The following ANK2 variants were observed in gnomAD, a reference collection of about 807,000 sequenced individuals.
ANK2 encodes ankyrin 2, also known as ankyrin-2.
Under a neutral mutation model 360.5 loss-of-function variants are expected in ANK2, and 83 were observed. The observed-to-expected ratio is 0.23, with a 90% CI of 0.19 to 0.28. The LOEUF (loss-of-function observed/expected upper bound fraction) is 0.28, where lower values mean the gene tolerates loss of function less well. Among genes scored for constraint, ANK2 ranks in the 10% least tolerant of loss-of-function variants. The pLI, the probability that ANK2 is intolerant of heterozygous loss-of-function variation, is 1.00. For synonymous variants in ANK2, 1,740 were observed against 1,759.5 expected, an observed-to-expected ratio of 0.99 and a Z score of 0.28; for missense variants, 4,201 against 4,795.7, an observed-to-expected ratio of 0.88 and a Z score of 3.66.
At chr4:113,161,988 C>G (rs113477458) in intron 1 of ANK2, among the ~76,000 whole-genome samples, 1 of 152,062 alleles carries the variant, frequency 6.6e-6, no homozygotes, top group Non-Finnish European at 1.5e-5. Flanking sequence ...GACTTTTTAG[C>G]CTTGCATTTT....
chr4:113,181,667 C>T (rs1584132211), intron 2 of ANK2, among the ~76,000 whole-genome samples: 1 of 152,106 alleles, frequency 6.6e-6, no homozygotes, highest in African/African-American at 2.4e-5. Context: ...AGAAGAAAAC[C>T]TAAAGAAATT....
intron 2 of ANK2, among the ~76,000 whole-genome samples, chr4:112,936,855 C>T (rs1330660943): frequency 1.3e-5 from 2 of 152,140 alleles, no homozygotes; most frequent in African/African-American, 4.8e-5. Flanking sequence ...GTGGCGTGAT[C>T]ATAGCTCATT....
intron 1 of ANK2, chr4:112,882,263 G>A (rs532137193): frequency 6.5e-6 from 1 of 152,722 alleles, no homozygotes; most frequent in African/African-American, 2.4e-5. Context: ...TCCTAGCAAT[G>A]TTAGAGTCAA....
At chr4:113,042,099 C>T (rs760062988) in intron 2 of ANK2, among the ~76,000 whole-genome samples, 5 of 152,150 alleles carry the variant, frequency 3.3e-5, no homozygotes, top group Non-Finnish European at 2.9e-5. Context: ...AAAGAAGATT[C>T]ACCCTCACCG....
intron 1 of ANK2, chr4:113,117,232 AT>A: frequency 2.2e-6 from 1 of 450,982 alleles, no homozygotes; most frequent in East Asian, 7.0e-5. Flanking sequence ...AATCACCTGG[AT>A]TGCTGGGGAG....
chr4:113,052,884 G>A (rs924296605), intron 1 of ANK2, among the ~76,000 whole-genome samples: 2 of 152,254 alleles, frequency 1.3e-5, no homozygotes, highest in Middle Eastern at 3.4e-3. Context: ...CTGGGGATGG[G>A]GTACTCCCAG....
At chr4:113,064,634 T>C (rs866992929) in intron 1 of ANK2, among the ~76,000 whole-genome samples, 5 of 152,354 alleles carry the variant, frequency 3.3e-5, no homozygotes, top group East Asian at 1.9e-4. Context: ...GTCCAAACGA[T>C]TGTGCAAAGT....
At position 113,049,702 on chromosome 4, in the gene ANK2, A is replaced by C. The variant is rs1458310273; in HGVS notation, c.-27A>C. The C allele has an allele frequency of 6.3e-7, 1 of 1,586,534 alleles. No individual in the cohort carries two copies. The highest frequency in any genetic ancestry group is 2.4e-5 in the East Asian group (1 of 42,542). On this transcript the variant is annotated 5_prime_UTR_variant, in exon 1 of 46. Transcript: ENST00000357077. The stretch of plus-strand genomic sequence containing the variant: ...TACAGGCGGCACGGTTTGATGGCAG[A>C]GATATTTTCTTTCCAAACTGTTCAA...
intron 1 of ANK2, among the ~76,000 whole-genome samples, chr4:113,134,279 G>A (rs1582631283): frequency 9.3e-6 from 1 of 107,954 alleles, no homozygotes; most frequent in Admixed American, 1.1e-4. Context: ...CCTGAAAGTT[G>A]TCTTTTTTTT....
intron 1 of ANK2, among the ~76,000 whole-genome samples, chr4:113,132,620 G>A (rs1159727239): frequency 6.6e-6 from 1 of 152,100 alleles, no homozygotes; most frequent in African/African-American, 2.4e-5. Flanking sequence ...AGGAACATTT[G>A]GGATCTGACA....
chr4:113,198,967 A>C, intron 3 of ANK2, 44 bp from the exon 4 acceptor site: 1 of 1,531,660 alleles, frequency 6.5e-7, no homozygotes, highest in Non-Finnish European at 9.0e-7. Flanking sequence ...TTTCTGCAAA[A>C]TTCAGAAACC....
At chr4:113,378,728 T>C (rs1438633179) in intron 45 of ANK2, among the ~76,000 whole-genome samples, 1 of 152,144 alleles carries the variant, frequency 6.6e-6, no homozygotes, top group African/African-American at 2.4e-5. Flanking sequence ...GTTAAGCAAG[T>C]GTCATGAAAG....
At chr4:113,307,103 C>T (rs543144757) in intron 23 of ANK2, among the ~76,000 whole-genome samples, 1 of 152,290 alleles carries the variant, frequency 6.6e-6, no homozygotes, top group East Asian at 1.9e-4. Flanking sequence ...GCCTTATTCT[C>T]ATGGATTCTT....
chr4:113,209,688 G>A (rs2153448397), intron 4 of ANK2, among the ~76,000 whole-genome samples: 1 of 152,118 alleles, frequency 6.6e-6, no homozygotes, highest in Non-Finnish European at 1.5e-5. Context: ...ATTTCAGAAA[G>A]CAGAAGTTAC....
At chr4:112,775,405 G>A in the ANK2 span, among the ~76,000 whole-genome samples, 1 of 151,904 alleles carries the variant, frequency 6.6e-6, no homozygotes, top group Non-Finnish European at 1.5e-5. Flanking sequence ...TGTAATCCCA[G>A]ATACTTGGGA....
intron 1 of ANK2, among the ~76,000 whole-genome samples, chr4:113,158,025 T>C (rs1164584967): frequency 1.3e-5 from 2 of 152,242 alleles, no homozygotes. Context: ...CTCAAGGAGC[T>C]GACAGTCTAG....
chr4:112,999,491 G>C (rs951986199), intron 2 of ANK2, among the ~76,000 whole-genome samples: 3 of 152,142 alleles, frequency 2.0e-5, no homozygotes, highest in African/African-American at 7.2e-5. Flanking sequence ...TCACCTGACA[G>C]AGAAAGGGAG....
intron 2 of ANK2, among the ~76,000 whole-genome samples, chr4:112,941,940 A>AAATAAAATAATACTTAT (rs1394932487): frequency 3.3e-5 from 5 of 151,210 alleles, no homozygotes; most frequent in Non-Finnish European, 7.4e-5. Context: ...TATAAAGATT[A>AAATAAAATAATACTTAT]AATAAAATAA....
intron 2 of ANK2, among the ~76,000 whole-genome samples, chr4:113,008,124 T>TTTA (rs397823266): frequency 1.3e-5 from 2 of 151,278 alleles, no homozygotes; most frequent in African/African-American, 4.9e-5. Flanking sequence ...TTTTTTTTTT[T>TTTA]AACTGAATGA....
Sources: allele counts gnomAD v4.1 joint callset (sites outside exome capture counted in the v4.1 genomes callset), GRCh38; gene constraint gnomAD v4.1.1; transcripts MANE v1.5; gene names NCBI Gene and HGNC (gene_info 2026-07-23, HGNC 2026-07-21).